The following CFAP69 variants were observed in gnomAD, a reference collection of about 807,000 sequenced individuals.
CFAP69 encodes the protein cilia and flagella associated protein 69, also known as cilia- and flagella-associated protein 69.
CFAP69 carries 92 observed loss-of-function variants against 123.0 expected under a neutral mutation model. That is an observed-to-expected ratio of 0.75 (90% CI 0.63 to 0.89). The LOEUF is 0.89. Ranked by LOEUF, CFAP69 falls within the 40% of genes least tolerant of loss-of-function variation. The pLI is 0.00. For missense variants in CFAP69, 1,067 were observed against 1,096.9 expected (o/e 0.97, Z 0.39); for synonymous variants, 380 against 364.3 (o/e 1.04, Z -0.49).
the CFAP69 span, chr7:90,319,576 T>C: frequency 5.0e-6 from 2 of 398,584 alleles, no homozygotes; most frequent in Non-Finnish European, 8.8e-6. Context: ...TTCCTTGAGA[T>C]CTATCAATGT....
chr7:90,287,472 G>C (rs958659482), intron 14 of CFAP69: 5 of 985,308 alleles, frequency 5.1e-6, no homozygotes, highest in Non-Finnish European at 6.0e-6. Flanking sequence ...AATTTAGAAC[G>C]AGATCTTAAT....
intron 15 of CFAP69, among the ~76,000 whole-genome samples, chr7:90,290,065 T>C (rs572527404): frequency 6.6e-6 from 1 of 152,210 alleles, no homozygotes; most frequent in African/African-American, 2.4e-5. Context: ...CCTTCCCCAT[T>C]AAGATTGTCT....
intron 9 of CFAP69, 101 bp from the exon 10 acceptor site, chr7:90,276,972 G>A: frequency 1.2e-6 from 1 of 822,656 alleles, no homozygotes; most frequent in Non-Finnish European, 1.8e-6. Flanking sequence ...ATGACAGTAG[G>A]AGAATTTGAT....
intron 21 of CFAP69, among the ~76,000 whole-genome samples, chr7:90,308,200 G>T (rs1296328074): frequency 1.3e-5 from 2 of 152,074 alleles, no homozygotes; most frequent in East Asian, 3.8e-4. Context: ...GCAAAGTAAA[G>T]GACACAAAGA....
At chr7:90,311,241 T>G (rs935420174), downstream of CFAP69, among the ~76,000 whole-genome samples, 7 of 152,068 alleles carry the variant, frequency 4.6e-5, no homozygotes, top group African/African-American at 1.7e-4. Context: ...CTTCATTCCC[T>G]TCACACCCCT....
At chr7:90,265,969 T>G (rs1195309821) in intron 5 of CFAP69, 1 of 152,140 alleles carries the variant, frequency 6.6e-6, no homozygotes, top group Non-Finnish European at 1.5e-5. Flanking sequence ...AAACACTGGC[T>G]CTTTGAGTCA....
At chr7:90,285,335 C>A (rs533352324) in intron 13 of CFAP69, among the ~76,000 whole-genome samples, 30 of 152,258 alleles carry the variant, frequency 2.0e-4, no homozygotes, top group African/African-American at 6.5e-4. Context: ...GCTATGATTT[C>A]CATGGCCCTT....
In CFAP69 at chr7:90,305,900, T is replaced by A. The variant is rs1793511306; in HGVS notation, c.2266-1001T>A. Among the ~76,000 whole-genome samples, 4 of 151,402 alleles carry A rather than the reference T, an allele frequency of 2.6e-5. No individual in the cohort carries two copies. The South Asian group carries it at 8.3e-4, about 31-fold the overall frequency. On this transcript the variant is annotated intron_variant, in intron 19 of 22. Transcript: ENST00000389297. ...TCTACTAATATTAGTACTGTATATT[T>A]GGATGTTGTAAATGAGTAAACCTCT...
At chr7:90,250,712 C>A (rs973718510) in intron 1 of CFAP69, among the ~76,000 whole-genome samples, 2 of 152,094 alleles carry the variant, frequency 1.3e-5, no homozygotes, top group African/African-American at 4.8e-5. Context: ...TGTTTCTATT[C>A]TCTGCTTGTG....
intron 13 of CFAP69, among the ~76,000 whole-genome samples, chr7:90,284,918 G>A (rs1790043403): frequency 6.6e-6 from 1 of 152,142 alleles, no homozygotes; most frequent in African/African-American, 2.4e-5. Flanking sequence ...GAGCCTCAAA[G>A]GGTTTTGATT....
chr7:90,279,839 T>A lies in CFAP69; in HGVS notation c.1318T>A (p.Ser440Thr), dbSNP rs780836569. 1 of 1,612,110 alleles carries A rather than the reference T, an allele frequency of 6.2e-7. No individual in the cohort carries two copies. The highest frequency in any genetic ancestry group is 8.5e-7 in the Non-Finnish European group (1 of 1,179,496). Residue 440 changes from serine to threonine, a missense_variant, in exon 12 of 23, where the codon TCA becomes ACA. Coordinates refer to ENST00000389297, the MANE Select transcript of CFAP69 (RefSeq NM_001039706.3). ...VAPLLIEEYM[S>T]CQGNARVLAF... is the part of the protein sequence containing the mutation. ...TCCTTTATTAATAGAAGAATACATG[T>A]CATGCCAGGGAAATGCTCGAGTCCT...
downstream of CFAP69, among the ~76,000 whole-genome samples, chr7:90,315,673 A>G (rs1794737284): frequency 6.6e-6 from 1 of 152,244 alleles, no homozygotes; most frequent in African/African-American, 2.4e-5. Context: ...TACCGGGGTG[A>G]CAAAATAATC....
At chr7:90,301,326 T>G (rs1025645974) in intron 17 of CFAP69, 5 of 152,150 alleles carry the variant, frequency 3.3e-5, no homozygotes, top group South Asian at 2.1e-4. Flanking sequence ...GGTTCACTTT[T>G]TTTTTTAAAT....
chr7:90,276,353 A>G (rs919250701), intron 9 of CFAP69, among the ~76,000 whole-genome samples: 2 of 152,230 alleles, frequency 1.3e-5, no homozygotes, highest in Non-Finnish European at 2.9e-5. Flanking sequence ...ATTTCTCATT[A>G]GTGTCCTTGC....
At chr7:90,315,558 C>A (rs1214053688), downstream of CFAP69, among the ~76,000 whole-genome samples, 1 of 152,102 alleles carries the variant, frequency 6.6e-6, no homozygotes, top group Non-Finnish European at 1.5e-5. Context: ...GATGAGAACT[C>A]ATGGACACAA....
At chr7:90,284,617 G>A (rs1288268009) in intron 13 of CFAP69, among the ~76,000 whole-genome samples, 3 of 152,126 alleles carry the variant, frequency 2.0e-5, no homozygotes, top group Non-Finnish European at 2.9e-5. Context: ...AAATGTTACA[G>A]AAACTAAGAG....
chr7:90,266,050 T>C (rs1383569512), intron 5 of CFAP69: 2 of 152,118 alleles, frequency 1.3e-5, no homozygotes, highest in African/African-American at 4.8e-5. Context: ...GTTTAGGTCT[T>C]TATTTGTACA....
chr7:90,291,403 T>C (rs920896146), intron 15 of CFAP69, among the ~76,000 whole-genome samples: 3 of 151,934 alleles, frequency 2.0e-5, no homozygotes, highest in African/African-American at 7.3e-5. Context: ...TTTTGATGAG[T>C]TTTACCTGGC....
chr7:90,266,298 G>T (rs997167081), intron 5 of CFAP69: 1 of 152,010 alleles, frequency 6.6e-6, no homozygotes, highest in Admixed American at 6.5e-5. Context: ...CCTAGAGTAG[G>T]TGAAGGTGTT....
Sources: gnomAD v4.1 joint callset for allele counts (sites outside exome capture counted in the v4.1 genomes callset) on GRCh38, gnomAD v4.1.1 for gene constraint, MANE v1.5 for transcripts, NCBI Gene and HGNC (gene_info 2026-07-23, HGNC 2026-07-21) for gene names.